The following OSBPL10 variants were observed in gnomAD, a reference collection of about 807,000 sequenced individuals.
The protein encoded by OSBPL10 is oxysterol-binding protein-related protein 10.
OSBPL10 carries 49 observed loss-of-function variants against 81.7 expected under a neutral mutation model. The observed-to-expected ratio is 0.60, with a 90% CI of 0.48 to 0.76. The LOEUF is 0.76. Ranked by LOEUF, OSBPL10 falls within the 30% of genes least tolerant of loss-of-function variation. OSBPL10 has a pLI of 0.00. For missense variants in OSBPL10, 923 were observed against 987.8 expected, an observed-to-expected ratio of 0.93 and a Z score of 0.88; for synonymous variants, 419 against 383.6, an observed-to-expected ratio of 1.09 and a Z score of -1.08.
intron 4 of OSBPL10, among the ~76,000 whole-genome samples, chr3:31,791,013 A>G (rs1698994741): frequency 1.3e-5 from 2 of 152,200 alleles, no homozygotes; most frequent in African/African-American, 4.8e-5. Context: ...TCAACAACTT[A>G]ACAAATGCAA....
chr3:31,857,092 T>C (rs539341320), intron 3 of OSBPL10, among the ~76,000 whole-genome samples: 1 of 152,228 alleles, frequency 6.6e-6, no homozygotes, highest in East Asian at 1.9e-4. Flanking sequence ...ACTAACCCTC[T>C]TCAACCTCCA....
chr3:31,823,352 A>G (rs554945420), intron 4 of OSBPL10, among the ~76,000 whole-genome samples: 1 of 152,368 alleles, frequency 6.6e-6, no homozygotes, highest in East Asian at 1.9e-4. Flanking sequence ...AAGATGAATA[A>G]GATGTGACCT....
At chr3:31,720,272 G>A (rs1350627815) in intron 6 of OSBPL10, among the ~76,000 whole-genome samples, 2 of 151,962 alleles carry the variant, frequency 1.3e-5, no homozygotes, top group Non-Finnish European at 1.5e-5. Context: ...GCCAAAGCAC[G>A]AACTGTAGAA....
chr3:31,693,766 T>G lies in OSBPL10; in HGVS notation c.1245+8593A>C, dbSNP rs974292237. Among the ~76,000 whole-genome samples the G allele has an allele frequency of 4.6e-5, 7 of 152,294 alleles. 2 individuals carry two copies. Among genetic ancestry groups the G allele is most frequent in the Admixed American group, 2.0e-4 (3 of 15,294 alleles). Reference sequence around the variant, plus strand: ...AACACTTGTTATCTGGTCTTTTATTTAATTAAATAAAATTTTTTTAAGATA... The same window carrying G: ...AACACTTGTTATCTGGTCTTTTATTGAATTAAATAAAATTTTTTTAAGATA... On this transcript the variant is annotated intron_variant, in intron 7 of 11. Coordinates refer to ENST00000396556, the MANE Select transcript of OSBPL10 (RefSeq NM_017784.5).
intron 3 of OSBPL10, among the ~76,000 whole-genome samples, chr3:31,850,149 A>G (rs1340895510): frequency 6.6e-6 from 1 of 152,144 alleles, no homozygotes; most frequent in East Asian, 1.9e-4. Context: ...TGGGTGACAC[A>G]GTGAAACTCT....
Position 31,965,087 on chromosome 3 carries a change from AACCCT to A in OSBPL10, c.281+15807_281+15811del, listed in dbSNP as rs1346932974. 8.5e-5 allele frequency among the ~76,000 whole-genome samples: 13 copies of A among 152,146 alleles called. No individual in the cohort carries two copies. In the East Asian group the frequency reaches 1.4e-3, roughly 16 times the overall value. ...TAGAACATATTCAATGTCATAAAAC[AACCCT>A]TAAAAAATGTAGGCCAGGCGGCCGG... On this transcript the variant is annotated intron_variant, in intron 1 of 11. Coordinates refer to ENST00000396556, the MANE Select transcript of OSBPL10 (RefSeq NM_017784.5).
chr3:31,813,753 C>A (rs1236162758), intron 4 of OSBPL10, among the ~76,000 whole-genome samples: 1 of 152,156 alleles, frequency 6.6e-6, no homozygotes, highest in South Asian at 2.1e-4. Context: ...CTGCTCCCAC[C>A]TGCCATGAGC....
At chr3:32,012,644 T>C (rs1575085441) in intron 2 of OSBPL10, among the ~76,000 whole-genome samples, 1 of 152,178 alleles carries the variant, frequency 6.6e-6, no homozygotes, top group Admixed American at 6.5e-5. Context: ...AGACACAGAC[T>C]GGCAAATTGG....
intron 2 of OSBPL10, chr3:31,990,699 T>G (rs1295676709): frequency 1.2e-6 from 2 of 1,613,996 alleles, no homozygotes; most frequent in African/African-American, 2.7e-5. Flanking sequence ...CTTACAAATG[T>G]GAAGAATGTG....
chr3:31,818,509 C>A (rs1051281281), intron 4 of OSBPL10, among the ~76,000 whole-genome samples: 24 of 152,188 alleles, frequency 1.6e-4, no homozygotes, highest in African/African-American at 5.8e-4. Context: ...CTCCGAAGAA[C>A]CCTGACTAGC....
chr3:31,954,052 C>T (rs1443529010), intron 1 of OSBPL10, among the ~76,000 whole-genome samples: 1 of 152,200 alleles, frequency 6.6e-6, no homozygotes, highest in African/African-American at 2.4e-5. Flanking sequence ...ATGCACAAAG[C>T]ATGTCAAAAT....
At chr3:31,763,382 C>G (rs772858542) in intron 4 of OSBPL10, among the ~76,000 whole-genome samples, 1 of 152,138 alleles carries the variant, frequency 6.6e-6, no homozygotes, top group Admixed American at 6.6e-5. Flanking sequence ...TAAGGGTCAA[C>G]AAGCATGAAA....
chr3:31,870,379 C>T (rs1184713523), intron 3 of OSBPL10, among the ~76,000 whole-genome samples: 1 of 152,260 alleles, frequency 6.6e-6, no homozygotes, highest in African/African-American at 2.4e-5. Context: ...ACCTGCAGCC[C>T]GCCATGCCTG....
intron 3 of OSBPL10, among the ~76,000 whole-genome samples, chr3:31,857,955 C>G: frequency 6.7e-6 from 1 of 150,250 alleles, no homozygotes; most frequent in Non-Finnish European, 1.5e-5. Context: ...TTTTGTTTGA[C>G]TGGTTGGTTG....
At chr3:32,051,970 G>T (rs142190802) in intron 1 of OSBPL10, among the ~76,000 whole-genome samples, 1,622 of 152,200 alleles carry the variant, frequency 0.011, 40 homozygotes, top group African/African-American at 0.036. Context: ...TTGGTAGGCC[G>T]GGTGCAGTGG....
intron 3 of OSBPL10, among the ~76,000 whole-genome samples, chr3:31,844,414 A>T (rs1464039104): frequency 6.6e-6 from 1 of 152,270 alleles, no homozygotes; most frequent in Non-Finnish European, 1.5e-5. Context: ...TCAAATTTTC[A>T]TCAACTGATA....
At chr3:31,926,318 G>C (rs1323595081) in intron 1 of OSBPL10, among the ~76,000 whole-genome samples, 1 of 136,212 alleles carries the variant, frequency 7.3e-6, no homozygotes, top group Non-Finnish European at 1.5e-5. Context: ...GCAATGTCTG[G>C]AAAGATTTTT....
intron 2 of OSBPL10, among the ~76,000 whole-genome samples, chr3:31,995,457 CTTTT>C (rs1699081754): frequency 1.3e-5 from 2 of 152,178 alleles, no homozygotes; most frequent in Non-Finnish European, 2.9e-5. Context: ...AAATATGGCT[CTTTT>C]TGCCCAACCC....
intron 1 of OSBPL10, among the ~76,000 whole-genome samples, chr3:31,906,083 C>T (rs1696402992): frequency 6.6e-6 from 1 of 152,198 alleles, no homozygotes. Context: ...GTGTCCATCA[C>T]TTCAGTTGGC....
Sources: gnomAD v4.1 joint callset for allele counts (sites outside exome capture counted in the v4.1 genomes callset) on GRCh38, gnomAD v4.1.1 for gene constraint, MANE v1.5 for transcripts, NCBI Gene and HGNC (gene_info 2026-07-23, HGNC 2026-07-21) for gene names.